ZMAT4: variants seen among roughly 807,000 people sequenced by gnomAD.
ZMAT4 encodes zinc finger matrin-type protein 4.
In ZMAT4, 17 loss-of-function variants were observed where a neutral mutation model predicts 28.7. The ratio of observed to expected loss-of-function variants is 0.59; its 90% CI spans 0.41 to 0.89. ZMAT4 has a LOEUF of 0.89. ZMAT4 is among the 40% of genes least tolerant of loss of function. The pLI is 0.00. For missense variants in ZMAT4, 240 were observed against 283.8 expected, an observed-to-expected ratio of 0.85 and a Z score of 1.11; for synonymous variants, 117 against 109.2, an observed-to-expected ratio of 1.07 and a Z score of -0.44.
At chr8:40,543,098 T>A (rs1803094698) in intron 6 of ZMAT4, among the ~76,000 whole-genome samples, 1 of 152,184 alleles carries the variant, frequency 6.6e-6, no homozygotes, top group Admixed American at 6.5e-5. Flanking sequence ...CTAACTTTTT[T>A]TTTTTCTCCT....
chr8:40,570,139 G>T (rs974164997), intron 6 of ZMAT4, among the ~76,000 whole-genome samples: 1 of 152,142 alleles, frequency 6.6e-6, no homozygotes, highest in Admixed American at 6.6e-5. Flanking sequence ...AGACAAAAAA[G>T]AAAGCATGCC....
intron 1 of ZMAT4, among the ~76,000 whole-genome samples, chr8:40,879,431 TA>T (rs1442038871): frequency 5.9e-5 from 9 of 152,034 alleles, no homozygotes; most frequent in Non-Finnish European, 1.3e-4. Context: ...TCTTAAAAAA[TA>T]AAAATGAAAT....
intron 4 of ZMAT4, among the ~76,000 whole-genome samples, chr8:40,680,830 C>T (rs1444963024): frequency 6.6e-6 from 1 of 151,966 alleles, no homozygotes; most frequent in Non-Finnish European, 1.5e-5. Flanking sequence ...CTTTTATCTC[C>T]CTTTTCTCTC....
chr8:40,885,778 G>A (rs547840158), intron 1 of ZMAT4, among the ~76,000 whole-genome samples: 27 of 152,286 alleles, frequency 1.8e-4, no homozygotes, highest in East Asian at 9.7e-4. Flanking sequence ...TGGACTGCTC[G>A]TCCCCCAAAT....
intron 5 of ZMAT4, among the ~76,000 whole-genome samples, chr8:40,610,437 T>C (rs1392980016): frequency 1.3e-5 from 2 of 152,166 alleles, no homozygotes; most frequent in Non-Finnish European, 2.9e-5. Context: ...ATTCATTCCA[T>C]GAGGAGATAT....
At chr8:40,546,372 C>A (rs1463300237) in intron 6 of ZMAT4, among the ~76,000 whole-genome samples, 1 of 151,838 alleles carries the variant, frequency 6.6e-6, no homozygotes, top group Admixed American at 6.6e-5. Flanking sequence ...GGAGACGTAC[C>A]AGAGCTCAAC....
intron 5 of ZMAT4, among the ~76,000 whole-genome samples, chr8:40,658,038 C>T (rs1808005637): frequency 6.6e-6 from 1 of 152,054 alleles, no homozygotes; most frequent in South Asian, 2.1e-4. Context: ...TCTTTAAATC[C>T]AATTCATGTT....
chr8:40,825,525 G>T, intron 2 of ZMAT4, 50 bp downstream of exon 2: 1 of 1,475,644 alleles, frequency 6.8e-7, no homozygotes, highest in South Asian at 1.2e-5. Context: ...ACAATGACCC[G>T]GGCTGCTCCC....
intron 1 of ZMAT4, among the ~76,000 whole-genome samples, chr8:40,856,618 C>A (rs11780314): frequency 0.11 from 16,502 of 152,196 alleles, 985 homozygotes; most frequent in Non-Finnish European, 0.14. Context: ...GAGACATCAA[C>A]CCTGAAGACC....
chr8:40,792,249 A>G (rs1814359564), intron 2 of ZMAT4, among the ~76,000 whole-genome samples: 1 of 151,900 alleles, frequency 6.6e-6, no homozygotes. Context: ...TGGCAATTTC[A>G]TATGGTTCAA....
intron 5 of ZMAT4, among the ~76,000 whole-genome samples, chr8:40,649,768 A>G (rs954690954): frequency 4.2e-4 from 64 of 152,262 alleles, no homozygotes; most frequent in Middle Eastern, 3.4e-3. Context: ...AGGATTAATA[A>G]TCTCACTCAA....
At chr8:40,877,232 A>T (rs1156966552) in intron 1 of ZMAT4, among the ~76,000 whole-genome samples, 1 of 152,214 alleles carries the variant, frequency 6.6e-6, no homozygotes, top group Non-Finnish European at 1.5e-5. Flanking sequence ...AGAAGAACCC[A>T]GCCCTGCAGG....
rs76588005 is a variant in ZMAT4, at chr8:40,586,147, C to T, written c.578-4886G>A. Among the ~76,000 whole-genome samples the T allele has an allele frequency of 4.0e-3, 602 of 152,272 alleles. 4 individuals carry two copies. The highest frequency in any genetic ancestry group is 0.013 in the African/African-American group (557 of 41,536). ...GAAGGGGCAGAGGAGTCCTCCCCCA[C>T]GCATGACACAGTGTCCTTGGTGGGA... On this transcript the variant is annotated intron_variant, in intron 5 of 6. Transcript: ENST00000297737.
chr8:40,853,754 A>G (rs1817199418), intron 1 of ZMAT4, among the ~76,000 whole-genome samples: 1 of 152,178 alleles, frequency 6.6e-6, no homozygotes, highest in Non-Finnish European at 1.5e-5. Flanking sequence ...TTACCTCATC[A>G]GTCTAAGCTT....
intron 5 of ZMAT4, among the ~76,000 whole-genome samples, chr8:40,605,950 T>A (rs1399777712): frequency 6.6e-6 from 1 of 152,210 alleles, no homozygotes. Flanking sequence ...TTTTAAACTG[T>A]TTTTGCTTTA....
intron 5 of ZMAT4, among the ~76,000 whole-genome samples, chr8:40,599,158 C>T (rs764340522): frequency 5.3e-5 from 8 of 152,166 alleles, no homozygotes; most frequent in Non-Finnish European, 1.0e-4. Flanking sequence ...TCTCTGTTTT[C>T]CTCATTACAC....
chr8:40,641,835 A>T (rs1807044207), intron 5 of ZMAT4, among the ~76,000 whole-genome samples: 1 of 152,188 alleles, frequency 6.6e-6, no homozygotes, highest in South Asian at 2.1e-4. Flanking sequence ...TAGTCAAAGG[A>T]TATAAGGTTT....
rs141780769 is a variant in ZMAT4, at chr8:40,625,450, G to A, written c.578-44189C>T. 5.2e-3 allele frequency among the ~76,000 whole-genome samples: 797 copies of A among 152,230 alleles called. 1 individual carries two copies. Among genetic ancestry groups the A allele is most frequent in the Non-Finnish European group, 7.6e-3 (520 of 68,006 alleles). ...AGGCTGTGGCCACAGTCAGGGAGAA[G>A]GTTGAAGGGGCTTAGGGTGGTTGCG... On this transcript the variant is annotated intron_variant, in intron 5 of 6. Coordinates refer to ENST00000297737, the MANE Select transcript of ZMAT4 (RefSeq NM_024645.3).
At chr8:40,676,207 T>C (rs1808901890) in intron 4 of ZMAT4, among the ~76,000 whole-genome samples, 1 of 152,160 alleles carries the variant, frequency 6.6e-6, no homozygotes, top group Non-Finnish European at 1.5e-5. Flanking sequence ...AAATCTGGAA[T>C]TCCCAAAGCC....
Sources: allele counts gnomAD v4.1 joint callset (sites outside exome capture counted in the v4.1 genomes callset), GRCh38; gene constraint gnomAD v4.1.1; transcripts MANE v1.5; gene names NCBI Gene and HGNC (gene_info 2026-07-23, HGNC 2026-07-21).